Variants in RAB11FIP1 observed in about 807,000 individuals in gnomAD.
The protein encoded by RAB11FIP1 is RAB11 family interacting protein 1, also known as rab11 family-interacting protein 1.
In RAB11FIP1, 49 loss-of-function variants were observed where a neutral mutation model predicts 83.1. That is an observed-to-expected ratio of 0.59 (90% confidence interval 0.47 to 0.75). The LOEUF is 0.75. Ranked by LOEUF, RAB11FIP1 falls within the 30% of genes least tolerant of loss-of-function variation. The probability of loss-of-function intolerance (pLI) is 0.00; values close to 1 mark genes in which losing one functional copy is unlikely to be tolerated. For synonymous variants in RAB11FIP1, 670 were observed against 656.0 expected, an observed-to-expected ratio of 1.02 and a Z score of -0.33; for missense variants, 1,536 against 1,598.7, an observed-to-expected ratio of 0.96 and a Z score of 0.67.
intron 1 of RAB11FIP1, among the ~76,000 whole-genome samples, chr8:37,888,790 CTTT>C (rs35214439): frequency 3.0e-5 from 3 of 100,658 alleles, no homozygotes; most frequent in Middle Eastern, 7.4e-3. Context: ...CGTTCTGCAA[CTTT>C]TTTTTTTTTT....
At position 37,892,596 on chromosome 8, in the gene RAB11FIP1, G is replaced by A. The variant is rs191507852; in HGVS notation, c.371+6475C>T. 5.5e-4 allele frequency among the ~76,000 whole-genome samples: 83 copies of A among 151,876 alleles called. No homozygotes were observed. The Middle Eastern group carries it at 0.01, about 19-fold the overall frequency. Reference sequence around the variant, plus strand: ...CAGCCTCCTGGGATTACAGGCACCCGCCACCATGGCCAGCTAATTTTTGTA... The same window carrying A: ...CAGCCTCCTGGGATTACAGGCACCCACCACCATGGCCAGCTAATTTTTGTA... On this transcript the variant is annotated intron_variant, in intron 1 of 5. Coordinates refer to ENST00000330843, the MANE Select transcript of RAB11FIP1 (RefSeq NM_001002814.3).
At chr8:37,890,127 T>C (rs182115508) in intron 1 of RAB11FIP1, among the ~76,000 whole-genome samples, 18 of 152,314 alleles carry the variant, frequency 1.2e-4, no homozygotes, top group Admixed American at 1.2e-3. Context: ...TTAGTAAAAA[T>C]GAAAAGTTCT....
At chr8:37,888,299 G>C (rs750272361) in intron 1 of RAB11FIP1, among the ~76,000 whole-genome samples, 3 of 152,056 alleles carry the variant, frequency 2.0e-5, no homozygotes, top group Non-Finnish European at 4.4e-5. Context: ...TAGAGACGGA[G>C]TTTCACCATG....
rs781211376 is a variant in RAB11FIP1, at chr8:37,872,474, G to A, written c.2328C>T (p.Pro776=). The part of the protein sequence containing the change: ...DAAEEVAPPL[P]MGASVPSIDS... ...CAATGGAAGGGACTGATGCTCCCAT[G>A]GGAAGAGGGGGCGCCACTTCTTCAG... The change falls in exon 4 of 6, where the codon CCC becomes CCT. Residue 776 remains proline (P), a synonymous_variant. Transcript: ENST00000330843. 1.2e-6 allele frequency: 2 copies of A among 1,614,168 alleles called. No homozygotes were observed. The highest frequency in any genetic ancestry group is 2.2e-5 in the South Asian group (2 of 91,078).
chr8:37,878,250 T>A (rs1806659872), intron 1 of RAB11FIP1: 1 of 151,510 alleles, frequency 6.6e-6, no homozygotes, highest in South Asian at 2.1e-4. Context: ...AATGTAAAGA[T>A]CAGGGCAGGT....
intron 1 of RAB11FIP1, among the ~76,000 whole-genome samples, chr8:37,891,900 T>C (rs1279140481): frequency 1.3e-5 from 2 of 152,220 alleles, no homozygotes; most frequent in Non-Finnish European, 2.9e-5. Context: ...TTGGCGGTAC[T>C]GAGTGGGTAA....
At chr8:37,894,723 C>CATATATATATAT (rs140765783) in intron 1 of RAB11FIP1, among the ~76,000 whole-genome samples, 1,461 of 141,980 alleles carry the variant, frequency 0.01, 31 homozygotes, top group African/African-American at 0.036. Context: ...TATATATATA[C>CATATATATATAT]ATATATATAT....
chr8:37,899,483 A>G lies in RAB11FIP1; in HGVS notation c.-42T>C. ...CAGAAGCGAGGAGAAGATCGCCGCG[A>G]CTGGCGGCCTCCACGGCCCGCCCCG... On this transcript the variant is annotated 5_prime_UTR_variant, in exon 1 of 6. Transcript: ENST00000330843. This position sits in a 1 kb window ranked among gnomAD's most constrained non-coding sequence, Gnocchi z 4.5. 1.3e-6 allele frequency: 2 copies of G among 1,484,630 alleles called. No individual in the cohort carries two copies. The highest frequency in any genetic ancestry group is 2.5e-5 in the East Asian group (1 of 39,354). The allele number at this position is 1,484,630 out of a possible 1,614,324, so 92.0% of individuals were successfully genotyped here. A position where few individuals can be genotyped will look rare whatever the true frequency, so the allele number is the denominator to read the frequency against.
chr8:37,893,359 T>C (rs1806989085), intron 1 of RAB11FIP1, among the ~76,000 whole-genome samples: 1 of 152,108 alleles, frequency 6.6e-6, no homozygotes. Flanking sequence ...ACATGTTCAT[T>C]CGTTTAATGC....
chr8:37,876,266 A>AAGG lies in RAB11FIP1; in HGVS notation c.814+842_814+843insCCT, dbSNP rs1563369883. Among the ~76,000 whole-genome samples, 8 of 127,644 alleles carry AAGG rather than the reference A, an allele frequency of 6.3e-5. No homozygotes were observed. The East Asian group carries it at 6.6e-4, about 11-fold the overall frequency. The allele number at this position is 127,644 out of a possible 152,430, so 83.7% of individuals were successfully genotyped here. A position where few individuals can be genotyped will look rare whatever the true frequency, so the allele number is the denominator to read the frequency against. On this transcript the variant is annotated intron_variant, in intron 2 of 5. Coordinates refer to ENST00000330843, the MANE Select transcript of RAB11FIP1 (RefSeq NM_001002814.3). Reference sequence around the variant, plus strand: ...GGAAGGAAGGAAGGAAGGAAGGAAGAAAGAAGGAAAGAAACCAGAGGGCTT... The same window carrying AAGG: ...GGAAGGAAGGAAGGAAGGAAGGAAGAAGGAAGAAGGAAAGAAACCAGAGGGCTT...
chr8:37,889,986 T>C (rs535009783), intron 1 of RAB11FIP1, among the ~76,000 whole-genome samples: 2 of 152,300 alleles, frequency 1.3e-5, no homozygotes, highest in South Asian at 2.1e-4. Context: ...GGTTTCACCA[T>C]GTTGGCCAGG....
In RAB11FIP1 at chr8:37,887,033, C is replaced by T. The variant is rs578236371; in HGVS notation, c.372-9482G>A. Among the ~76,000 whole-genome samples the T allele has an allele frequency of 2.6e-5, 4 of 152,304 alleles. No individual in the cohort carries two copies. The East Asian group carries it at 5.8e-4, about 22-fold the overall frequency. On this transcript the variant is annotated intron_variant, in intron 1 of 5. Transcript: ENST00000330843. ...TGAAGAAGGTAGCTAGTCATCATAACCTAACTCTGAACACAGAATTACCCA... is the reference window on the plus strand; with the variant it reads ...TGAAGAAGGTAGCTAGTCATCATAATCTAACTCTGAACACAGAATTACCCA...
Position 37,872,406 on chromosome 8 carries a change from C to G in RAB11FIP1, c.2396G>C (p.Arg799Pro). ...RKLEEMGLNL[R>P]KDQKKTKKRV... ...CTTCTTGGTTTTCTTCTGGTCCTTG[C>G]GGAGGTTCAGACCCATCTCTTCCAG... The change falls in exon 4 of 6, where the codon CGC becomes CCC. Residue 799 changes from arginine to proline, a missense_variant. Transcript: ENST00000330843. The G allele has an allele frequency of 6.2e-7, 1 of 1,614,148 alleles. No homozygotes were observed. The highest frequency in any genetic ancestry group is 8.5e-7 in the Non-Finnish European group (1 of 1,180,034).
At position 37,873,041 on chromosome 8, in the gene RAB11FIP1, C is replaced by T. The variant is rs1304784752; in HGVS notation, c.1761G>A (p.Gln587=). 4 of 1,613,968 alleles carry T rather than the reference C, an allele frequency of 2.5e-6. No homozygotes were observed. The highest frequency in any genetic ancestry group is 3.4e-6 in the Non-Finnish European group (4 of 1,180,028). ...AGAAGACAGAAGGACTCTCAGAGGACTGTGTGTCTGCACCATGTCCCAATT... is the reference window on the plus strand; with the variant it reads ...AGAAGACAGAAGGACTCTCAGAGGATTGTGTGTCTGCACCATGTCCCAATT... ...PSELGHGADT[Q]SSESPSVFSS... Residue 587 remains glutamine (Q), a synonymous_variant, in exon 4 of 6, where the codon CAG becomes CAA. Transcript: ENST00000330843.
In RAB11FIP1 at chr8:37,861,319, A is replaced by G. The variant is rs1207897807; in HGVS notation, c.*1576T>C. 1 of 227,984 alleles carries G rather than the reference A, an allele frequency of 4.4e-6. No homozygotes were observed. Among genetic ancestry groups the G allele is most frequent in the African/African-American group, 2.4e-5 (1 of 42,054 alleles). 14.1% of individuals were successfully genotyped at this position (227,984 alleles called of 1,614,324 possible). ...TGAGTCTATTCATGAGGGAAAATGG[A>G]AAAAAAGCAACCATTTGAAGGCTGA... On this transcript the variant is annotated 3_prime_UTR_variant, in exon 6 of 6. Transcript: ENST00000330843.
chr8:37,893,530 T>C (rs1169415950), intron 1 of RAB11FIP1, among the ~76,000 whole-genome samples: 1 of 152,134 alleles, frequency 6.6e-6, no homozygotes, highest in African/African-American at 2.4e-5. Flanking sequence ...ACACCTGTAA[T>C]CCCAGCACTT....
At chr8:37,870,391 C>A (rs377051797) in intron 5 of RAB11FIP1, 29 bp downstream of exon 5, 2 of 1,334,894 alleles carry the variant, frequency 1.5e-6, no homozygotes, top group Non-Finnish European at 2.2e-6. Context: ...CAATCCCTAA[C>A]GAACACACCA....
At chr8:37,871,031 C>T (rs1397311373) in intron 4 of RAB11FIP1, 8 of 466,328 alleles carry the variant, frequency 1.7e-5, no homozygotes, top group Admixed American at 8.0e-5. Flanking sequence ...CTGCAATGTG[C>T]GAGCTCCAAA....
intron 1 of RAB11FIP1, among the ~76,000 whole-genome samples, chr8:37,891,959 A>G (rs55946986): frequency 0.07 from 10,691 of 152,202 alleles, 507 homozygotes; most frequent in Non-Finnish European, 0.11. Flanking sequence ...GGCATTTCCT[A>G]GTAATTCACT....
Sources: allele counts gnomAD v4.1 joint callset (sites outside exome capture counted in the v4.1 genomes callset), GRCh38; gene constraint gnomAD v4.1.1; non-coding constraint Gnocchi (gnomAD v3.1); transcripts MANE v1.5; gene names NCBI Gene and HGNC (gene_info 2026-07-23, HGNC 2026-07-21).